SHANK2: variants seen among roughly 807,000 people sequenced by gnomAD.
The protein encoded by SHANK2 is SH3 and multiple ankyrin repeat domains 2.
A neutral mutation model predicts 133.7 loss-of-function variants in SHANK2; 43 were observed. The observed-to-expected ratio is 0.32, with a 90% confidence interval of 0.25 to 0.41. SHANK2 has a LOEUF of 0.41. Ranked by LOEUF, SHANK2 falls within the 10% of genes least tolerant of loss-of-function variation. SHANK2 has a pLI of 1.00. For synonymous variants in SHANK2, 1,017 were observed against 952.8 expected, an observed-to-expected ratio of 1.07 and a Z score of -1.24; for missense variants, 1,994 against 2,235.8, an observed-to-expected ratio of 0.89 and a Z score of 2.18.
At chr11:70,625,330 C>G (rs1274607717) in intron 17 of SHANK2, among the ~76,000 whole-genome samples, 1 of 152,164 alleles carries the variant, frequency 6.6e-6, no homozygotes, top group Admixed American at 6.5e-5. Flanking sequence ...GCCTTGGTGG[C>G]AGGGCTTTAG....
intron 22 of SHANK2, 72 bp downstream of exon 22, chr11:70,492,263 A>T (rs942703440): frequency 9.1e-5 from 145 of 1,593,814 alleles, no homozygotes; most frequent in Non-Finnish European, 1.2e-4. Context: ...CACCTCAGCT[A>T]CTGAGACAGC....
At chr11:70,887,863 G>A (rs1162230884) in intron 11 of SHANK2, among the ~76,000 whole-genome samples, 5 of 152,028 alleles carry the variant, frequency 3.3e-5, no homozygotes, top group African/African-American at 1.2e-4. Flanking sequence ...TAGAGGCAAA[G>A]GTGAGTCTCA....
chr11:70,816,126 C>T (rs140589816), intron 12 of SHANK2, among the ~76,000 whole-genome samples: 3 of 152,208 alleles, frequency 2.0e-5, no homozygotes, highest in Admixed American at 6.5e-5. Flanking sequence ...GAGTGGCCGA[C>T]GTTTCTGCAG....
intron 14 of SHANK2, among the ~76,000 whole-genome samples, chr11:70,762,004 A>G (rs921649843): frequency 1.3e-5 from 2 of 152,018 alleles, no homozygotes; most frequent in Non-Finnish European, 1.5e-5. Flanking sequence ...GCTTTTCTCA[A>G]TGACTGCTGC....
intron 15 of SHANK2, among the ~76,000 whole-genome samples, chr11:70,696,210 T>G (rs972417070): frequency 1.3e-5 from 2 of 152,290 alleles, no homozygotes; most frequent in East Asian, 3.9e-4. Context: ...ACAGCCACAA[T>G]AGTTCTGCAA....
chr11:71,106,608 G>A (rs570214945), intron 6 of SHANK2, among the ~76,000 whole-genome samples: 2 of 152,104 alleles, frequency 1.3e-5, no homozygotes, highest in Non-Finnish European at 2.9e-5. Context: ...GCTTCACAAC[G>A]GCTCACAACA....
intron 1 of SHANK2, among the ~76,000 whole-genome samples, chr11:71,250,110 G>GC (rs1249379675): frequency 1.5e-5 from 2 of 136,600 alleles, no homozygotes; most frequent in Non-Finnish European, 3.1e-5. Context: ...CCAACAGACC[G>GC]CCCCCCTCCC....
intron 23 of SHANK2, chr11:70,489,819 T>G: frequency 4.9e-6 from 1 of 206,106 alleles, no homozygotes; most frequent in Non-Finnish European, 8.4e-6. Context: ...CACAGTACAT[T>G]ATTTCATTTC....
At chr11:71,176,307 A>G (rs1184012739) in intron 2 of SHANK2, among the ~76,000 whole-genome samples, 1 of 152,230 alleles carries the variant, frequency 6.6e-6, no homozygotes, top group Non-Finnish European at 1.5e-5. Context: ...GTCCAACAAG[A>G]TTAAATTCAT....
chr11:71,067,424 C>T (rs1590880462), intron 9 of SHANK2, among the ~76,000 whole-genome samples: 2 of 152,300 alleles, frequency 1.3e-5, no homozygotes, highest in East Asian at 3.9e-4. Context: ...CAGGCTGCTC[C>T]CCTCCCTCTG....
chr11:70,916,045 C>T (rs565323085), intron 10 of SHANK2, among the ~76,000 whole-genome samples: 1 of 152,160 alleles, frequency 6.6e-6, no homozygotes, highest in Non-Finnish European at 1.5e-5. Flanking sequence ...GGGAGCCAGA[C>T]ATGTCTAGGG....
At chr11:70,529,918 T>C (rs1351708069) in intron 17 of SHANK2, among the ~76,000 whole-genome samples, 1 of 152,158 alleles carries the variant, frequency 6.6e-6, no homozygotes, top group East Asian at 1.9e-4. Flanking sequence ...CAGACCACAG[T>C]TGGTTTTTTT....
chr11:70,587,092 C>T (rs1274656179), intron 17 of SHANK2, among the ~76,000 whole-genome samples: 1 of 152,236 alleles, frequency 6.6e-6, no homozygotes, highest in African/African-American at 2.4e-5. Flanking sequence ...CTGCAGCCCA[C>T]TCCCTTTGCT....
At chr11:71,214,535 C>T (rs561299377) in intron 2 of SHANK2, among the ~76,000 whole-genome samples, 12 of 152,312 alleles carry the variant, frequency 7.9e-5, no homozygotes, top group Admixed American at 3.3e-4. Flanking sequence ...CACACGTTTC[C>T]GAAGAAGTGT....
intron 24 of SHANK2, 107 bp downstream of exon 24, chr11:70,489,221 G>A (rs1051823083): frequency 8.1e-6 from 9 of 1,111,292 alleles, no homozygotes; most frequent in Non-Finnish European, 1.2e-5. Flanking sequence ...CTCTGAGTTG[G>A]CTGTCTGGCA....
At chr11:70,635,278 C>T (rs2061057459) in intron 17 of SHANK2, 1 of 152,186 alleles carries the variant, frequency 6.6e-6, no homozygotes, top group Non-Finnish European at 1.5e-5. Context: ...CAGCACTATT[C>T]ATGGTAGCTA....
chr11:70,581,796 G>C (rs1362376027), intron 17 of SHANK2, among the ~76,000 whole-genome samples: 1 of 152,202 alleles, frequency 6.6e-6, no homozygotes, highest in Non-Finnish European at 1.5e-5. Context: ...TCCAGCCCTG[G>C]AACTGGAGGA....
At chr11:70,561,631 T>C (rs1554980900) in intron 17 of SHANK2, among the ~76,000 whole-genome samples, 4 of 151,882 alleles carry the variant, frequency 2.6e-5, no homozygotes, top group South Asian at 2.1e-4. Context: ...TGGGCTCAAG[T>C]GATGTTCCCA....
At chr11:70,505,303 G>A (rs183341011) in intron 17 of SHANK2, among the ~76,000 whole-genome samples, 14 of 152,298 alleles carry the variant, frequency 9.2e-5, no homozygotes, top group Admixed American at 8.5e-4. Context: ...ATGCAGAGAT[G>A]AGGCATCTGA....
Sources: gnomAD v4.1 joint callset for allele counts (sites outside exome capture counted in the v4.1 genomes callset) on GRCh38, gnomAD v4.1.1 for gene constraint, MANE v1.5 for transcripts, NCBI Gene and HGNC (gene_info 2026-07-23, HGNC 2026-07-21) for gene names.